The following COTL1 variants were observed in gnomAD, a reference collection of about 807,000 sequenced individuals.
COTL1 encodes the protein coactosin like F-actin binding protein 1.
COTL1 carries 15 observed loss-of-function variants against 16.5 expected under a neutral mutation model. The observed-to-expected ratio is 0.91, with a 90% confidence interval of 0.61 to 1.40. The LOEUF is 1.40. COTL1 is among the 40% of genes most tolerant of loss of function. COTL1 has a pLI of 0.00. For synonymous variants in COTL1, 112 were observed against 85.3 expected (o/e 1.31, Z -1.73); for missense variants, 220 against 201.5 (o/e 1.09, Z -0.56).
chr16:84,613,537 G>C (rs1204402153), intron 2 of COTL1, among the ~76,000 whole-genome samples: 1 of 152,176 alleles, frequency 6.6e-6, no homozygotes, highest in Non-Finnish European at 1.5e-5. Context: ...AAACCGACTA[G>C]AAAGCCAAGC....
chr16:84,612,057 T>C (rs996016054), intron 2 of COTL1, among the ~76,000 whole-genome samples: 3 of 152,130 alleles, frequency 2.0e-5, no homozygotes, highest in African/African-American at 7.2e-5. Flanking sequence ...CCTTCCATCT[T>C]CTTGGTGCTC....
At chr16:84,605,646 G>C (rs143353609) in intron 2 of COTL1, among the ~76,000 whole-genome samples, 1 of 152,228 alleles carries the variant, frequency 6.6e-6, no homozygotes, top group African/African-American at 2.4e-5. Flanking sequence ...TTTGAAGACA[G>C]AGGAAGTGGC....
intron 3 of COTL1, among the ~76,000 whole-genome samples, chr16:84,584,908 G>C (rs895004879): frequency 2.0e-5 from 3 of 152,200 alleles, no homozygotes; most frequent in African/African-American, 2.4e-5. Flanking sequence ...CACACAGTAA[G>C]TGATGGAGCT....
intron 2 of COTL1, among the ~76,000 whole-genome samples, chr16:84,592,505 A>C (rs1486391033): frequency 6.6e-6 from 1 of 152,040 alleles, no homozygotes; most frequent in Non-Finnish European, 1.5e-5. Flanking sequence ...GGGAAATCTT[A>C]AACGCAGCTT....
At chr16:84,605,261 G>A (rs983364050) in intron 2 of COTL1, among the ~76,000 whole-genome samples, 5 of 152,204 alleles carry the variant, frequency 3.3e-5, no homozygotes, top group African/African-American at 9.7e-5. Flanking sequence ...TGTCAGGAGT[G>A]GGGGCGAGAA....
intron 3 of COTL1, among the ~76,000 whole-genome samples, chr16:84,584,593 G>A (rs1179373256): frequency 1.3e-5 from 2 of 152,176 alleles, no homozygotes; most frequent in Non-Finnish European, 2.9e-5. Context: ...GGCAATATCC[G>A]TGAACAACAA....
rs1426651105 is a variant in COTL1 at position 84,589,809 on chromosome 16, A to AGTCTG, written c.318+295_318+296insCAGAC. Among the ~76,000 whole-genome samples, 3 of 151,894 alleles carry AGTCTG rather than the reference A, an allele frequency of 2.0e-5. No individual in the cohort carries two copies. In the East Asian group the frequency reaches 5.8e-4, roughly 30 times the overall value. On this transcript the variant is annotated intron_variant, in intron 3 of 3. Coordinates refer to ENST00000262428, the MANE Select transcript of COTL1 (RefSeq NM_021149.5). ...TGGCCGCTATTCTGGTCCCCCCACC[A>AGTCTG]GTTCCCGTCTCTAGAAGCAAGCAAC...
At chr16:84,591,823 C>A (rs867244169) in intron 2 of COTL1, among the ~76,000 whole-genome samples, 1 of 120,666 alleles carries the variant, frequency 8.3e-6, no homozygotes, top group African/African-American at 3.1e-5. Context: ...GACCCTGTCT[C>A]AAATAAAATA....
chr16:84,570,466 T>C (rs958771830), intron 3 of COTL1, among the ~76,000 whole-genome samples: 2 of 140,740 alleles, frequency 1.4e-5, no homozygotes, highest in African/African-American at 5.2e-5. Context: ...TCTTTAAAAA[T>C]GCTATGTTTC....
In COTL1 at chr16:84,617,821, G is replaced by C; in HGVS notation, c.77+17C>G. ...AGCCCGGGGAGCGGGGCGTGGAGACGAATGAAAAGTTCCTACCAGATGACG... is the reference window on the plus strand; with the variant it reads ...AGCCCGGGGAGCGGGGCGTGGAGACCAATGAAAAGTTCCTACCAGATGACG... On this transcript the variant is annotated intron_variant, in intron 1 of 3. Coordinates refer to ENST00000262428, the MANE Select transcript of COTL1 (RefSeq NM_021149.5). 2 of 1,566,134 alleles carry C rather than the reference G, an allele frequency of 1.3e-6. No individual in the cohort carries two copies. Among genetic ancestry groups the C allele is most frequent in the Non-Finnish European group, 1.7e-6 (2 of 1,155,318 alleles).
intron 2 of COTL1, among the ~76,000 whole-genome samples, chr16:84,598,099 C>G (rs985842861): frequency 1.3e-5 from 2 of 152,154 alleles, no homozygotes; most frequent in African/African-American, 4.8e-5. Context: ...TCCTTCTGGT[C>G]GGTGTCATGC....
intron 2 of COTL1, among the ~76,000 whole-genome samples, chr16:84,591,184 A>AT (rs561534827): frequency 0.24 from 33,660 of 139,500 alleles, 4,194 homozygotes; most frequent in East Asian, 0.33. Context: ...ATATTCTGGA[A>AT]TTTTTTTTTT....
intron 3 of COTL1, among the ~76,000 whole-genome samples, chr16:84,577,844 G>C (rs1246833956): frequency 1.3e-5 from 2 of 152,146 alleles, no homozygotes; most frequent in Admixed American, 1.3e-4. Flanking sequence ...AAACCAAATA[G>C]AGGCGGCTGT....
At chr16:84,597,128 G>A (rs1401075966) in intron 2 of COTL1, among the ~76,000 whole-genome samples, 1 of 152,204 alleles carries the variant, frequency 6.6e-6, no homozygotes, top group Admixed American at 6.5e-5. Context: ...TCTGCATCCA[G>A]CTCTGGGTTT....
chr16:84,584,969 C>T (rs1408801243), intron 3 of COTL1, among the ~76,000 whole-genome samples: 3 of 152,196 alleles, frequency 2.0e-5, no homozygotes, highest in Non-Finnish European at 2.9e-5. Flanking sequence ...ACTACACCTT[C>T]CCCCTTGGCA....
intron 3 of COTL1, among the ~76,000 whole-genome samples, chr16:84,585,240 A>G (rs950894444): frequency 6.6e-6 from 1 of 151,734 alleles, no homozygotes; most frequent in Non-Finnish European, 1.5e-5. Context: ...TGTAATCCCC[A>G]GCTTCTCGAG....
chr16:84,573,620 C>T (rs1904381738), intron 3 of COTL1, among the ~76,000 whole-genome samples: 1 of 151,916 alleles, frequency 6.6e-6, no homozygotes, highest in Non-Finnish European at 1.5e-5. Context: ...ACTAAAAATA[C>T]AAAGAATTAG....
At position 84,566,746 on chromosome 16, in the gene COTL1, C is replaced by A. The variant is rs1024948065; in HGVS notation, c.*99G>T. On this transcript the variant is annotated 3_prime_UTR_variant, in exon 4 of 4. Coordinates refer to ENST00000262428, the MANE Select transcript of COTL1 (RefSeq NM_021149.5). Reference sequence around the variant, plus strand: ...CGCTGCCTCTCATGGCTTCTTTTCTCCCTGGTGGGCTGGTGGGCTAGTAGC... The same window carrying A: ...CGCTGCCTCTCATGGCTTCTTTTCTACCTGGTGGGCTGGTGGGCTAGTAGC... The A allele has an allele frequency of 3.9e-6, 3 of 773,614 alleles. No homozygotes were observed. The highest frequency in any genetic ancestry group is 4.6e-5 in the Admixed American group (2 of 43,946). 47.9% of individuals were successfully genotyped at this position (773,614 alleles called of 1,614,324 possible).
intron 2 of COTL1, among the ~76,000 whole-genome samples, chr16:84,611,665 A>G (rs1017252224): frequency 3.3e-5 from 5 of 152,232 alleles, no homozygotes; most frequent in Admixed American, 2.0e-4. Context: ...AATAAACAGG[A>G]GAATGAAGGA....
Sources: gnomAD v4.1 joint callset for allele counts (sites outside exome capture counted in the v4.1 genomes callset) on GRCh38, gnomAD v4.1.1 for gene constraint, MANE v1.5 for transcripts, NCBI Gene and HGNC (gene_info 2026-07-23, HGNC 2026-07-21) for gene names.